The following CPQ variants were observed in gnomAD, a reference collection of about 807,000 sequenced individuals.
The protein encoded by CPQ is Ser-Met dipeptidase.
A neutral mutation model predicts 45.7 loss-of-function variants in CPQ; 37 were observed. The ratio of observed to expected loss-of-function variants is 0.81; its 90% CI spans 0.62 to 1.07. The LOEUF is 1.07. Among genes scored for constraint, CPQ ranks in the 50% least tolerant of loss-of-function variants. The probability of loss-of-function intolerance (pLI) is 0.00; values close to 1 mark genes in which losing one functional copy is unlikely to be tolerated. For synonymous variants in CPQ, 186 were observed against 205.8 expected, an observed-to-expected ratio of 0.90 and a Z score of 0.82; for missense variants, 537 against 572.9, an observed-to-expected ratio of 0.94 and a Z score of 0.64.
At chr8:96,845,854 CT>C (rs1351207732) in intron 3 of CPQ, among the ~76,000 whole-genome samples, 1 of 152,174 alleles carries the variant, frequency 6.6e-6, no homozygotes, top group African/African-American at 2.4e-5. Flanking sequence ...GAGTTTCACT[CT>C]TGTTGCCTAG....
In CPQ at chr8:97,140,652, A is replaced by G. The variant is rs529803469; in HGVS notation, c.1256-2368A>G. Among the ~76,000 whole-genome samples the G allele has an allele frequency of 9.9e-5, 15 of 152,180 alleles. No homozygotes were observed. In the South Asian group the frequency reaches 2.7e-3, roughly 27 times the overall value. On this transcript the variant is annotated intron_variant, in intron 7 of 7. Coordinates refer to ENST00000220763, the MANE Select transcript of CPQ (RefSeq NM_016134.4). ...CGGTTCCCCCCAATTTAAAATAGAT[A>G]TTACCACAATTCTGATCAAAATCCA...
At chr8:96,725,821 C>T (rs1460274282) in intron 1 of CPQ, among the ~76,000 whole-genome samples, 2 of 152,142 alleles carry the variant, frequency 1.3e-5, no homozygotes, top group African/African-American at 4.8e-5. Context: ...ATAGCAAAGA[C>T]ATGGAATCAA....
At position 96,841,845 on chromosome 8, in the gene CPQ, C is replaced by G. The variant is rs1811615411; in HGVS notation, c.641+6665C>G. Among the ~76,000 whole-genome samples the G allele has an allele frequency of 2.6e-5, 4 of 152,120 alleles. No individual in the cohort carries two copies. In the South Asian group the frequency reaches 6.2e-4, roughly 24 times the overall value. On this transcript the variant is annotated intron_variant, in intron 3 of 7. Coordinates refer to ENST00000220763, the MANE Select transcript of CPQ (RefSeq NM_016134.4). ...TATGGAGTGTCAGAGAGGGAGAATG[C>G]TATACCATCTGGTGAGAGAGACATG...
chr8:96,799,280 G>A (rs1268979615), intron 2 of CPQ, among the ~76,000 whole-genome samples: 1 of 152,146 alleles, frequency 6.6e-6, no homozygotes, highest in African/African-American at 2.4e-5. Flanking sequence ...ACCTAAAATA[G>A]CCTTCCTGCA....
At chr8:97,132,449 C>G (rs1384626623) in intron 7 of CPQ, among the ~76,000 whole-genome samples, 5 of 152,136 alleles carry the variant, frequency 3.3e-5, no homozygotes, top group Non-Finnish European at 5.9e-5. Context: ...TTTTCTAATT[C>G]CCTTGTTTCT....
At chr8:96,933,756 G>A (rs1249221276) in intron 4 of CPQ, among the ~76,000 whole-genome samples, 1 of 152,064 alleles carries the variant, frequency 6.6e-6, no homozygotes, top group Non-Finnish European at 1.5e-5. Flanking sequence ...CCTGCTGCTT[G>A]CTTAGTAATA....
rs1356576854 is a variant in CPQ at position 97,123,024 on chromosome 8, TAA to T, written c.1256-19994_1256-19993del. Among the ~76,000 whole-genome samples the T allele has an allele frequency of 1.3e-3, 35 of 26,388 alleles. 5 individuals are homozygous for T. The highest frequency in any genetic ancestry group is 8.9e-3 in the African/African-American group (35 of 3,940). The allele number at this position is 26,388 out of a possible 152,430, so 17.3% of individuals were successfully genotyped here. ...AAATATAAAATAAAATAAAATAAAATAAATAAAATAAAATAAAATAAATAAAA... is the reference window on the plus strand; with the variant it reads ...AAATATAAAATAAAATAAAATAAAATATAAAATAAAATAAAATAAATAAAA... On this transcript the variant is annotated intron_variant, in intron 7 of 7. Coordinates refer to ENST00000220763, the MANE Select transcript of CPQ (RefSeq NM_016134.4).
chr8:97,118,690 A>C (rs1312064624), intron 7 of CPQ, among the ~76,000 whole-genome samples: 2 of 152,138 alleles, frequency 1.3e-5, no homozygotes, highest in African/African-American at 4.8e-5. Context: ...GATTTAGTAC[A>C]AGGGTTGGCA....
chr8:96,648,188 G>T (rs1815538813), intron 1 of CPQ, among the ~76,000 whole-genome samples: 1 of 152,104 alleles, frequency 6.6e-6, no homozygotes, highest in African/African-American at 2.4e-5. Context: ...GCAGAGACCA[G>T]TTGTGGCCGC....
intron 4 of CPQ, among the ~76,000 whole-genome samples, chr8:96,964,041 CA>C (rs1316345132): frequency 1.3e-5 from 2 of 150,874 alleles, no homozygotes; most frequent in African/African-American, 4.9e-5. Context: ...TTGATAAATA[CA>C]ACACAGTTTA....
At chr8:96,860,223 C>T (rs1197043319) in intron 3 of CPQ, among the ~76,000 whole-genome samples, 2 of 152,064 alleles carry the variant, frequency 1.3e-5, no homozygotes, top group Non-Finnish European at 2.9e-5. Flanking sequence ...CCATGGATTA[C>T]AAGAGTTTAA....
intron 6 of CPQ, among the ~76,000 whole-genome samples, chr8:97,051,893 C>G (rs998467518): frequency 2.6e-5 from 4 of 152,188 alleles, no homozygotes; most frequent in Admixed American, 2.6e-4. Context: ...CTGAGACTGA[C>G]AACCTTTTCA....
At chr8:96,672,234 T>C (rs934882032) in intron 1 of CPQ, among the ~76,000 whole-genome samples, 1 of 152,130 alleles carries the variant, frequency 6.6e-6, no homozygotes, top group Admixed American at 6.5e-5. Context: ...ATTGTACCAC[T>C]CCAAAACCAT....
chr8:97,123,201 AAATAAAAAAT>A (rs1485849904), intron 7 of CPQ, among the ~76,000 whole-genome samples: 5 of 126,692 alleles, frequency 3.9e-5, no homozygotes, highest in African/African-American at 8.8e-5. Context: ...AAATAAAATA[AAATAAAAAAT>A]AAAATAAAAT....
At chr8:96,727,045 C>G (rs994083391) in intron 1 of CPQ, among the ~76,000 whole-genome samples, 26 of 152,098 alleles carry the variant, frequency 1.7e-4, no homozygotes, top group African/African-American at 6.3e-4. Flanking sequence ...TGGGTTATTT[C>G]TAGGTTATTG....
chr8:96,833,948 T>TTTCCTTAA (rs1169749903), intron 2 of CPQ, among the ~76,000 whole-genome samples: 28 of 152,218 alleles, frequency 1.8e-4, no homozygotes, highest in African/African-American at 6.8e-4. Flanking sequence ...TTCTCTAGTT[T>TTTCCTTAA]TTAATATTAA....
Position 96,717,864 on chromosome 8 carries a change from C to T in CPQ, c.-34-67000C>T, listed in dbSNP as rs529653454. 2.6e-5 allele frequency among the ~76,000 whole-genome samples: 4 copies of T among 152,280 alleles called. No homozygotes were observed. In the South Asian group the frequency reaches 8.3e-4, roughly 32 times the overall value. On this transcript the variant is annotated intron_variant, in intron 1 of 7. Transcript: ENST00000220763. ...AATGTTCCAGGGAGGAGCACAACTG[C>T]CTCTGTTGTACAGAAGAGTCTTCAT...
At chr8:96,989,428 GAGGGA>G (rs1338633174) in intron 5 of CPQ, among the ~76,000 whole-genome samples, 4 of 135,670 alleles carry the variant, frequency 2.9e-5, no homozygotes, top group African/African-American at 1.1e-4. Flanking sequence ...GACAGGAGCG[GAGGGA>G]AGGGGAGGGG....
intron 4 of CPQ, among the ~76,000 whole-genome samples, chr8:96,941,448 C>A (rs1813122034): frequency 1.3e-5 from 2 of 152,126 alleles, no homozygotes; most frequent in Non-Finnish European, 2.9e-5. Flanking sequence ...AGACTTTCAG[C>A]TGCCCATATA....
Sources: gnomAD v4.1 joint callset for allele counts (sites outside exome capture counted in the v4.1 genomes callset) on GRCh38, gnomAD v4.1.1 for gene constraint, MANE v1.5 for transcripts, NCBI Gene and HGNC (gene_info 2026-07-23, HGNC 2026-07-21) for gene names.